Variants in GNG2 observed in about 807,000 individuals in gnomAD.
The protein encoded by GNG2 is G protein subunit gamma 2, also known as guanine nucleotide-binding protein G(I)/G(S)/G(O) subunit gamma-2.
In GNG2, 5 loss-of-function variants were observed where a neutral mutation model predicts 5.5. The ratio of observed to expected loss-of-function variants is 0.91; its 90% CI spans 0.48 to 1.92. GNG2 has a LOEUF of 1.92. Ranked by LOEUF, GNG2 falls within the 30% of genes most tolerant of loss-of-function variation. The pLI, the probability that GNG2 is intolerant of heterozygous loss-of-function variation, is 0.01. For missense variants in GNG2, 55 were observed against 88.4 expected (o/e 0.62, Z 1.52); for synonymous variants, 28 against 32.0 (o/e 0.88, Z 0.42).
intron 2 of GNG2, among the ~76,000 whole-genome samples, chr14:51,878,783 A>T (rs1883848448): frequency 1.3e-5 from 2 of 152,166 alleles, no homozygotes; most frequent in Non-Finnish European, 2.9e-5. Flanking sequence ...CCTATAGTCA[A>T]GTTCTTTTGA....
At chr14:51,854,024 G>A (rs575121882) in intron 2 of GNG2, among the ~76,000 whole-genome samples, 14 of 151,924 alleles carry the variant, frequency 9.2e-5, no homozygotes, top group South Asian at 4.2e-4. Context: ...CCAAGTAGGC[G>A]TGCACCACCA....
chr14:51,916,253 T>A (rs937533033), intron 2 of GNG2: 1 of 265,756 alleles, frequency 3.8e-6, no homozygotes, highest in African/African-American at 2.3e-5. Context: ...CAGAGAGCCA[T>A]ATTTTACATC....
chr14:51,858,167 CT>C (rs979835624), upstream of GNG2, among the ~76,000 whole-genome samples: 3 of 151,852 alleles, frequency 2.0e-5, no homozygotes, highest in African/African-American at 4.8e-5. Context: ...ACTTTGCAAA[CT>C]TGGTATGCAA....
At chr14:51,956,011 G>T (rs889744367) in intron 3 of GNG2, among the ~76,000 whole-genome samples, 3 of 152,118 alleles carry the variant, frequency 2.0e-5, no homozygotes, top group African/African-American at 7.2e-5. Flanking sequence ...ATATATTCTA[G>T]GTTTAGGACA....
intron 3 of GNG2, among the ~76,000 whole-genome samples, chr14:51,965,318 G>C (rs932485040): frequency 1.3e-5 from 2 of 152,190 alleles, no homozygotes; most frequent in Admixed American, 1.3e-4. Context: ...TAGTAGTACA[G>C]TGGTGTTGCT....
chr14:51,941,534 G>A (rs1185150613), intron 2 of GNG2, among the ~76,000 whole-genome samples: 2 of 152,122 alleles, frequency 1.3e-5, no homozygotes, highest in Non-Finnish European at 2.9e-5. Context: ...TGAAATTACA[G>A]GCCTTAGGGA....
rs561264865 is a variant in GNG2, at chr14:51,943,621, C to A, written c.-29-7029C>A. On this transcript the variant is annotated intron_variant, in intron 2 of 3. Coordinates refer to ENST00000556766, the MANE Select transcript of GNG2 (RefSeq NM_053064.5). Reference sequence around the variant, plus strand: ...GGTAGAAGACAAAAGCATTCTTCTCCAGTAAGAATCAGTGAATGTAGTATG... The same window carrying A: ...GGTAGAAGACAAAAGCATTCTTCTCAAGTAAGAATCAGTGAATGTAGTATG... Among the ~76,000 whole-genome samples the A allele has an allele frequency of 9.9e-5, 15 of 152,218 alleles. No individual in the cohort carries two copies. In the South Asian group the frequency reaches 2.3e-3, roughly 23 times the overall value.
At chr14:51,929,125 C>T (rs966367155) in intron 2 of GNG2, among the ~76,000 whole-genome samples, 1 of 152,190 alleles carries the variant, frequency 6.6e-6, no homozygotes, top group Non-Finnish European at 1.5e-5. Flanking sequence ...TGAAGTGACT[C>T]TCTAATGGTA....
At chr14:51,864,492 C>G (rs1345334388) in intron 1 of GNG2, among the ~76,000 whole-genome samples, 1 of 152,192 alleles carries the variant, frequency 6.6e-6, no homozygotes, top group Admixed American at 6.5e-5. Flanking sequence ...CTTTATACAA[C>G]AGTATTATCC....
At chr14:51,854,409 T>C (rs1250299383) in intron 2 of GNG2, among the ~76,000 whole-genome samples, 2 of 152,206 alleles carry the variant, frequency 1.3e-5, no homozygotes, top group African/African-American at 4.8e-5. Context: ...GTCTGGGGAG[T>C]GTGGAGCCCT....
chr14:51,926,026 CTTTCTTTCTTT>C (rs1887296972), intron 2 of GNG2, among the ~76,000 whole-genome samples: 1 of 151,694 alleles, frequency 6.6e-6, no homozygotes. Context: ...GTTTTCTTTT[CTTTCTTTCTTT>C]TTTCTTTTTT....
chr14:51,942,825 C>T (rs532753958), intron 2 of GNG2, among the ~76,000 whole-genome samples: 3 of 151,982 alleles, frequency 2.0e-5, no homozygotes, highest in South Asian at 2.1e-4. Context: ...AGTGTAACCA[C>T]ATGTATTCCA....
intron 2 of GNG2, among the ~76,000 whole-genome samples, chr14:51,849,553 A>G (rs1881811456): frequency 6.6e-6 from 1 of 152,202 alleles, no homozygotes; most frequent in African/African-American, 2.4e-5. Context: ...TTCCTTGATC[A>G]TTCAATTTAA....
chr14:51,895,079 A>G (rs896117077), intron 2 of GNG2, among the ~76,000 whole-genome samples: 6 of 152,080 alleles, frequency 3.9e-5, no homozygotes, highest in Non-Finnish European at 8.8e-5. Flanking sequence ...ATTGCCTGAC[A>G]TAACTAAAGC....
intron 3 of GNG2, among the ~76,000 whole-genome samples, chr14:51,952,765 G>A (rs938450162): frequency 9.9e-5 from 15 of 152,020 alleles, no homozygotes; most frequent in African/African-American, 3.4e-4. Flanking sequence ...TGACTGCAAG[G>A]GGCTCCTATT....
chr14:51,921,117 A>C (rs927861771), intron 2 of GNG2, among the ~76,000 whole-genome samples: 1 of 152,198 alleles, frequency 6.6e-6, no homozygotes, highest in Non-Finnish European at 1.5e-5. Flanking sequence ...GTATAGTGAA[A>C]AAAGGTACAG....
At chr14:51,921,618 G>T (rs1023280775) in intron 2 of GNG2, among the ~76,000 whole-genome samples, 1 of 152,182 alleles carries the variant, frequency 6.6e-6, no homozygotes, top group Non-Finnish European at 1.5e-5. Flanking sequence ...AAGCCCCTGA[G>T]GATGGGGTGC....
At chr14:51,932,909 G>A (rs567623806) in intron 2 of GNG2, among the ~76,000 whole-genome samples, 3 of 152,094 alleles carry the variant, frequency 2.0e-5, no homozygotes, top group Non-Finnish European at 2.9e-5. Flanking sequence ...GGGTGGGGGC[G>A]CCTAAATCCA....
intron 3 of GNG2, among the ~76,000 whole-genome samples, chr14:51,953,315 A>T (rs906275168): frequency 6.6e-6 from 1 of 152,300 alleles, no homozygotes; most frequent in South Asian, 2.1e-4. Flanking sequence ...ATAGACAAAA[A>T]CATGATTCTT....
Sources: gnomAD v4.1 joint callset for allele counts (sites outside exome capture counted in the v4.1 genomes callset) on GRCh38, gnomAD v4.1.1 for gene constraint, MANE v1.5 for transcripts, NCBI Gene and HGNC (gene_info 2026-07-23, HGNC 2026-07-21) for gene names.